Variants in CDK14 observed in about 807,000 individuals in gnomAD.
CDK14 encodes the protein cyclin-dependent kinase 14.
CDK14 carries 34 observed loss-of-function variants against 60.7 expected under a neutral mutation model. That is an observed-to-expected ratio of 0.56 (90% confidence interval 0.43 to 0.75). The LOEUF is 0.75. CDK14 is among the 30% of genes least tolerant of loss of function. The pLI is 0.00. For synonymous variants in CDK14, 197 were observed against 203.7 expected (o/e 0.97, Z 0.28); for missense variants, 482 against 564.1 (o/e 0.85, Z 1.47).
chr7:91,021,337 A>T (rs912964685), intron 10 of CDK14, among the ~76,000 whole-genome samples: 2 of 152,212 alleles, frequency 1.3e-5, no homozygotes, highest in African/African-American at 4.8e-5. Context: ...TGGGAGTAGT[A>T]ATAATATCTA....
At chr7:90,911,513 G>T (rs113889035) in intron 7 of CDK14, among the ~76,000 whole-genome samples, 3 of 151,984 alleles carry the variant, frequency 2.0e-5, no homozygotes, top group East Asian at 3.9e-4. Flanking sequence ...GAGAGACCCC[G>T]CACATTCCTT....
At chr7:91,045,117 T>C (rs1797196503) in intron 10 of CDK14, among the ~76,000 whole-genome samples, 1 of 152,124 alleles carries the variant, frequency 6.6e-6, no homozygotes, top group Non-Finnish European at 1.5e-5. Context: ...ACCCTGAATC[T>C]CCCCTTTCTA....
At chr7:91,168,670 A>G (rs1435646508) in intron 14 of CDK14, among the ~76,000 whole-genome samples, 1 of 152,204 alleles carries the variant, frequency 6.6e-6, no homozygotes, top group African/African-American at 2.4e-5. Flanking sequence ...CACAAGTTAC[A>G]TTTTATTTCT....
At chr7:90,982,223 GCTGAAAGAT>G (rs1430422642) in intron 9 of CDK14, among the ~76,000 whole-genome samples, 20 of 152,184 alleles carry the variant, frequency 1.3e-4, no homozygotes, top group Non-Finnish European at 2.6e-4. Context: ...AATTCTGTCT[GCTGAAAGAT>G]CCATGAAAGG....
At chr7:90,829,985 G>A (rs543739800) in intron 5 of CDK14, among the ~76,000 whole-genome samples, 96 of 152,332 alleles carry the variant, frequency 6.3e-4, no homozygotes, top group African/African-American at 2.2e-3. Flanking sequence ...TCACGGGCTG[G>A]TGTTGAATGT....
intron 13 of CDK14, among the ~76,000 whole-genome samples, chr7:91,114,307 G>T (rs1799548921): frequency 6.6e-6 from 1 of 152,128 alleles, no homozygotes; most frequent in South Asian, 2.1e-4. Flanking sequence ...TTATCAGCCA[G>T]TGGTTAAATC....
intron 14 of CDK14, among the ~76,000 whole-genome samples, chr7:91,199,334 T>TAA (rs574926014): frequency 1.3e-5 from 2 of 151,342 alleles, no homozygotes; most frequent in African/African-American, 4.8e-5. Flanking sequence ...GTTTTTTTAT[T>TAA]AAAAAAAAAG....
chr7:90,987,104 T>C (rs1795393420), intron 10 of CDK14, among the ~76,000 whole-genome samples: 1 of 151,996 alleles, frequency 6.6e-6, no homozygotes, highest in African/African-American at 2.4e-5. Context: ...AAGCTTTCAT[T>C]TGAAATCTTT....
chr7:91,022,193 T>C (rs148967448), intron 10 of CDK14, among the ~76,000 whole-genome samples: 6 of 152,290 alleles, frequency 3.9e-5, no homozygotes, highest in East Asian at 1.9e-4. Context: ...TTGGGTGATA[T>C]ATTCTGTCTG....
At chr7:91,059,344 T>C (rs549963932) in intron 11 of CDK14, among the ~76,000 whole-genome samples, 253 of 152,304 alleles carry the variant, frequency 1.7e-3, no homozygotes, top group African/African-American at 5.9e-3. Context: ...GTTGATCTTT[T>C]CAAAAAACCA....
chr7:91,029,160 A>G (rs547453069), intron 10 of CDK14, among the ~76,000 whole-genome samples: 2 of 152,232 alleles, frequency 1.3e-5, no homozygotes, highest in East Asian at 3.9e-4. Flanking sequence ...ATAGGGGTCC[A>G]GTTTTGTTCC....
intron 14 of CDK14, among the ~76,000 whole-genome samples, chr7:91,175,761 A>G (rs1447485357): frequency 8.2e-4 from 121 of 148,334 alleles, no homozygotes; most frequent in African/African-American, 2.8e-3. Flanking sequence ...AGAGCTAACT[A>G]TCCTAAATAT....
chr7:91,026,691 G>C (rs1796578853), intron 10 of CDK14, among the ~76,000 whole-genome samples: 1 of 152,162 alleles, frequency 6.6e-6, no homozygotes, highest in African/African-American at 2.4e-5. Flanking sequence ...CCTTCGGCAA[G>C]TTATGCAATC....
intron 8 of CDK14, among the ~76,000 whole-genome samples, chr7:90,936,734 C>T (rs1316872581): frequency 1.3e-5 from 2 of 152,194 alleles, no homozygotes; most frequent in Non-Finnish European, 2.9e-5. Flanking sequence ...TGATTTACCA[C>T]TTACTTCCTG....
At chr7:90,740,233 A>G (rs1159101074) in intron 3 of CDK14, among the ~76,000 whole-genome samples, 1 of 145,364 alleles carries the variant, frequency 6.9e-6, no homozygotes, top group East Asian at 2.1e-4. Flanking sequence ...ATACATATAT[A>G]TGTGTATGTA....
At chr7:91,098,946 T>C (rs1269196944) in intron 12 of CDK14, among the ~76,000 whole-genome samples, 1 of 152,188 alleles carries the variant, frequency 6.6e-6, no homozygotes, top group African/African-American at 2.4e-5. Flanking sequence ...CAGTTCTCAG[T>C]GAAAGGTTTA....
intron 5 of CDK14, among the ~76,000 whole-genome samples, chr7:90,807,654 G>A (rs150235564): frequency 4.6e-4 from 70 of 152,208 alleles, no homozygotes; most frequent in African/African-American, 1.3e-3. Flanking sequence ...GGCTTCAGAC[G>A]ATCAAACTAC....
chr7:91,109,587 T>G (rs942854785), intron 12 of CDK14, among the ~76,000 whole-genome samples: 1 of 152,144 alleles, frequency 6.6e-6, no homozygotes, highest in Non-Finnish European at 1.5e-5. Context: ...ATTAATCTGG[T>G]AGCAGTAATT....
chr7:90,715,362 C>T (rs1802211416), intron 2 of CDK14, among the ~76,000 whole-genome samples: 1 of 151,984 alleles, frequency 6.6e-6, no homozygotes, highest in African/African-American at 2.4e-5. Context: ...AGAAAGCGTC[C>T]TGGACCATAT....
Sources: gnomAD v4.1 joint callset for allele counts (sites outside exome capture counted in the v4.1 genomes callset) on GRCh38, gnomAD v4.1.1 for gene constraint, MANE v1.5 for transcripts, NCBI Gene and HGNC (gene_info 2026-07-23, HGNC 2026-07-21) for gene names.